The following ARMC9 variants were observed in gnomAD, a reference collection of about 807,000 sequenced individuals.
ARMC9 encodes lisH domain-containing protein ARMC9.
In ARMC9, 94 loss-of-function variants were observed where a neutral mutation model predicts 107.0. The observed-to-expected ratio is 0.88, with a 90% CI of 0.74 to 1.04. ARMC9 has a LOEUF of 1.04. Among genes scored for constraint, ARMC9 ranks in the 50% least tolerant of loss-of-function variants. ARMC9 has a pLI of 0.00. For missense variants in ARMC9, 942 were observed against 1,030.1 expected, an observed-to-expected ratio of 0.91 and a Z score of 1.17; for synonymous variants, 380 against 396.9, an observed-to-expected ratio of 0.96 and a Z score of 0.51.
At chr2:231,346,349 A>G (rs556105808) in intron 21 of ARMC9, among the ~76,000 whole-genome samples, 5 of 152,048 alleles carry the variant, frequency 3.3e-5, no homozygotes, top group Non-Finnish European at 7.4e-5. Context: ...GTGAAACCCC[A>G]TCTCTACTAA....
chr2:231,268,561 C>T (rs2125426492), intron 12 of ARMC9, among the ~76,000 whole-genome samples: 1 of 152,150 alleles, frequency 6.6e-6, no homozygotes, highest in Admixed American at 6.5e-5. Flanking sequence ...TATCTTATTT[C>T]TTGACTTGTT....
chr2:231,334,072 A>G (rs1481156588), intron 20 of ARMC9, among the ~76,000 whole-genome samples: 1 of 152,220 alleles, frequency 6.6e-6, no homozygotes, highest in African/African-American at 2.4e-5. Context: ...TTACCATAAT[A>G]TGCAGTTCTA....
chr2:231,240,276 C>T, intron 9 of ARMC9: 1 of 533,884 alleles, frequency 1.9e-6, no homozygotes, highest in Non-Finnish European at 3.3e-6. Context: ...CAGTTGCAGC[C>T]ACTCAGTGGG....
At chr2:231,322,993 G>C (rs2043081531) in intron 19 of ARMC9, among the ~76,000 whole-genome samples, 1 of 152,166 alleles carries the variant, frequency 6.6e-6, no homozygotes, top group Non-Finnish European at 1.5e-5. Context: ...AGTGCACCCA[G>C]CACCTTGCCA....
intron 1 of ARMC9, among the ~76,000 whole-genome samples, chr2:231,200,280 G>A (rs1408762411): frequency 6.6e-6 from 1 of 152,022 alleles, no homozygotes; most frequent in African/African-American, 2.4e-5. Flanking sequence ...CCTCAGCTCC[G>A]GCTTCATTTA....
intron 13 of ARMC9, 99 bp downstream of exon 13, chr2:231,271,171 G>A (rs1043148215): frequency 1.8e-5 from 21 of 1,138,126 alleles, no homozygotes; most frequent in African/African-American, 1.6e-4. Flanking sequence ...TAGAGATGAC[G>A]CTTCCTCAGT....
At chr2:231,301,618 A>G (rs998654900) in intron 19 of ARMC9, among the ~76,000 whole-genome samples, 10 of 152,008 alleles carry the variant, frequency 6.6e-5, no homozygotes, top group African/African-American at 2.2e-4. Flanking sequence ...CACCATCATT[A>G]CAAATGTTTT....
intron 7 of ARMC9, among the ~76,000 whole-genome samples, chr2:231,230,995 C>A: frequency 6.6e-6 from 1 of 152,210 alleles, no homozygotes; most frequent in East Asian, 1.9e-4. Flanking sequence ...AGGCTGCAGG[C>A]AGTTAGGCCT....
chr2:231,300,086 A>G (rs1029175089), intron 19 of ARMC9, among the ~76,000 whole-genome samples: 9 of 152,208 alleles, frequency 5.9e-5, no homozygotes, highest in African/African-American at 2.2e-4. Context: ...AGGTTTCCTT[A>G]CTATATATCA....
In ARMC9 at chr2:231,284,008, C is replaced by T. The variant is rs190651773; in HGVS notation, c.1626+1875C>T. On this transcript the variant is annotated intron_variant, in intron 17 of 24. Coordinates refer to ENST00000611582, the MANE Select transcript of ARMC9 (RefSeq NM_001352754.2). ...CCATGCAGGGATTACATGCATGAGC[C>T]GCTGAGCCTGGCCATTGAATTTTTA... is the stretch of plus-strand genomic sequence containing the variant. 1.8e-3 allele frequency among the ~76,000 whole-genome samples: 270 copies of T among 152,286 alleles called. 1 individual carries two copies. The highest frequency in any genetic ancestry group is 4.0e-3 in the Admixed American group (61 of 15,296).
At chr2:231,232,025 CTTTTT>C (rs575702443) in intron 7 of ARMC9, among the ~76,000 whole-genome samples, 3 of 121,622 alleles carry the variant, frequency 2.5e-5, no homozygotes, top group Admixed American at 9.5e-5. Context: ...TAACACATTC[CTTTTT>C]TTTTTTTTTT....
At chr2:231,291,622 C>T (rs1392476813) in intron 18 of ARMC9, among the ~76,000 whole-genome samples, 179 bp downstream of exon 18, 7 of 151,986 alleles carry the variant, frequency 4.6e-5, no homozygotes, top group African/African-American at 1.7e-4. Flanking sequence ...TCGAGACCAG[C>T]CTGGCCAATA....
At chr2:231,217,427 T>C (rs548439238) in intron 5 of ARMC9, among the ~76,000 whole-genome samples, 1 of 152,054 alleles carries the variant, frequency 6.6e-6, no homozygotes, top group African/African-American at 2.4e-5. Context: ...CTACTAAAAG[T>C]ACAAAAATTA....
chr2:231,348,924 A>C (rs1559495105), intron 21 of ARMC9, among the ~76,000 whole-genome samples: 1 of 152,228 alleles, frequency 6.6e-6, no homozygotes, highest in Non-Finnish European at 1.5e-5. Context: ...TCCAAAAGTC[A>C]GGCAATAACA....
rs199986057 is a variant in ARMC9 at position 231,258,965 on chromosome 2, C to T, written c.915-26C>T. On this transcript the variant is annotated intron_variant, in intron 10 of 24. Coordinates refer to ENST00000611582, the MANE Select transcript of ARMC9 (RefSeq NM_001352754.2). Reference sequence around the variant, plus strand: ...AACATGCCCTTTTGCCCTTTTCTTTCTCTTTGAACTTGTGTTGCTGAGTAG... The same window carrying T: ...AACATGCCCTTTTGCCCTTTTCTTTTTCTTTGAACTTGTGTTGCTGAGTAG... 186 of 1,583,720 alleles carry T rather than the reference C, an allele frequency of 1.2e-4. No homozygotes were observed. In the African/African-American group the frequency reaches 2.3e-3, roughly 20 times the overall value.
At chr2:231,281,973 A>C in intron 16 of ARMC9, 86 bp from the exon 17 acceptor site, 1 of 1,306,284 alleles carries the variant, frequency 7.7e-7, no homozygotes, top group Non-Finnish European at 1.1e-6. Context: ...CCCATTTGCC[A>C]GATTGTTCTG....
At chr2:231,365,796 C>T (rs1053644002) in intron 23 of ARMC9, among the ~76,000 whole-genome samples, 2 of 151,988 alleles carry the variant, frequency 1.3e-5, no homozygotes, top group South Asian at 2.1e-4. Context: ...CTTCATGTGT[C>T]GTTTCTTTTT....
At chr2:231,232,171 G>A (rs991278971) in intron 7 of ARMC9, among the ~76,000 whole-genome samples, 1 of 151,138 alleles carries the variant, frequency 6.6e-6, no homozygotes, top group Non-Finnish European at 1.5e-5. Flanking sequence ...GACTACAGGT[G>A]TGCGCCACCA....
At position 231,255,225 on chromosome 2, in the gene ARMC9, TAAATG is replaced by T. The variant is rs2037667512; in HGVS notation, c.880-1360_880-1356del. Among the ~76,000 whole-genome samples the T allele has an allele frequency of 7.4e-6, 1 of 135,874 alleles. No individual in the cohort carries two copies. The highest frequency in any genetic ancestry group is 2.1e-4 in the East Asian group (1 of 4,694). 89.1% of individuals were successfully genotyped at this position (135,874 alleles called of 152,430 possible). On this transcript the variant is annotated intron_variant, in intron 9 of 24. Coordinates refer to ENST00000611582, the MANE Select transcript of ARMC9 (RefSeq NM_001352754.2). The surrounding 1 kb of genome is among the most constrained non-coding windows in gnomAD (Gnocchi z 4.7). ...CACACACACACACACACACACAAAA[TAAATG>T]GGACAAGAATCTCCGTAAAGTAGGT...
Sources: allele counts gnomAD v4.1 joint callset (sites outside exome capture counted in the v4.1 genomes callset), GRCh38; gene constraint gnomAD v4.1.1; non-coding constraint Gnocchi (gnomAD v3.1); transcripts MANE v1.5; gene names NCBI Gene and HGNC (gene_info 2026-07-23, HGNC 2026-07-21).